The following HDAC8 variants were observed in gnomAD, a reference collection of about 807,000 sequenced individuals.
HDAC8 encodes histone deacetylase-like 1.
Under a neutral mutation model 32.2 loss-of-function variants are expected in HDAC8, and 1 was observed. The ratio of observed to expected loss-of-function variants is 0.03; its 90% CI spans 0.01 to 0.15. The LOEUF (loss-of-function observed/expected upper bound fraction) is 0.15, where lower values mean the gene tolerates loss of function less well. HDAC8 is among the 10% of genes least tolerant of loss of function. The pLI is 1.00. For synonymous variants in HDAC8, 108 were observed against 113.9 expected, an observed-to-expected ratio of 0.95 and a Z score of 0.33; for missense variants, 117 against 300.0, an observed-to-expected ratio of 0.39 and a Z score of 4.51.
intron 10 of HDAC8, among the ~76,000 whole-genome samples, chrX:72,339,198 G>A (rs782758138): frequency 1.7e-4 from 19 of 111,280 alleles, no homozygotes; most frequent in Admixed American, 4.8e-4. Flanking sequence ...ATGCACCCCC[G>A]CTCTCATCCA....
intron 9 of HDAC8, among the ~76,000 whole-genome samples, chrX:72,431,121 T>G (rs1019289242): frequency 9.0e-6 from 1 of 110,977 alleles, no homozygotes; most frequent in Admixed American, 9.6e-5. Context: ...ACAACCAGCC[T>G]AGACCACATG....
At chrX:72,395,614 GT>G (rs1215467930) in intron 9 of HDAC8, among the ~76,000 whole-genome samples, 2 of 112,262 alleles carry the variant, frequency 1.8e-5, no homozygotes, top group African/African-American at 6.5e-5. Context: ...GACAAGGAAA[GT>G]TTTTTCCCCC....
rs61443640 is a variant in HDAC8, at chrX:72,453,464, TAAAGAAAGAAAG to T, written c.1005+8528_1005+8539del. On this transcript the variant is annotated intron_variant, in intron 9 of 10. Transcript: ENST00000373573. ...GGAGTAAGACTCTGTCTCTTAAAAA[TAAAGAAAGAAAG>T]AAAGAAAGAAAGAAAGAAAGAAAGA... 7.8e-3 allele frequency among the ~76,000 whole-genome samples: 524 copies of T among 67,252 alleles called. 2 individuals are homozygous for T. The highest frequency in any genetic ancestry group is 0.028 in the Middle Eastern group (4 of 144). 58.4% of individuals were successfully genotyped at this position (67,252 alleles called of 115,157 possible).
At chrX:72,352,826 G>A (rs1555949356) in intron 9 of HDAC8, among the ~76,000 whole-genome samples, 1 of 111,717 alleles carries the variant, frequency 9.0e-6, no homozygotes, top group African/African-American at 3.3e-5. Flanking sequence ...CTGACTTGGG[G>A]AAAACCACTC....
chrX:72,408,833 A>C (rs2046116800), intron 9 of HDAC8, among the ~76,000 whole-genome samples: 1 of 112,128 alleles, frequency 8.9e-6, no homozygotes, highest in African/African-American at 3.2e-5. Context: ...AAATGAGGTT[A>C]GAAAAGTGAT....
chrX:72,474,681 C>G (rs781818646), intron 7 of HDAC8: 79 of 1,205,159 alleles, frequency 6.6e-5, no homozygotes, highest in Non-Finnish European at 8.6e-5. Flanking sequence ...GGAAGACAAG[C>G]TGCGGCAGCT....
In HDAC8 at chrX:72,458,955, A is replaced by T. The variant is rs191457661; in HGVS notation, c.1005+3049T>A. On this transcript the variant is annotated intron_variant, in intron 9 of 10. Coordinates refer to ENST00000373573, the MANE Select transcript of HDAC8 (RefSeq NM_018486.3). ...TAATCCTTCCTACTGTCTCTCATATACCCTGTAATCTACACATAGCAAATT... is the reference window on the plus strand; with the variant it reads ...TAATCCTTCCTACTGTCTCTCATATTCCCTGTAATCTACACATAGCAAATT... 1.3e-3 allele frequency among the ~76,000 whole-genome samples: 148 copies of T among 110,080 alleles called. 2 individuals carry two copies. The highest frequency in any genetic ancestry group is 4.4e-3 in the African/African-American group (134 of 30,213).
At chrX:72,523,231 T>TA (rs782619144) in intron 4 of HDAC8, among the ~76,000 whole-genome samples, 148 of 112,133 alleles carry the variant, frequency 1.3e-3, no homozygotes, top group African/African-American at 4.7e-3. Context: ...CCAATAAATA[T>TA]AAAACAGTAC....
intron 9 of HDAC8, among the ~76,000 whole-genome samples, chrX:72,460,817 G>A (rs920734194): frequency 1.8e-5 from 2 of 111,805 alleles, no homozygotes; most frequent in Non-Finnish European, 3.8e-5. Context: ...CAATAACAGC[G>A]ATTACATTTG....
intron 7 of HDAC8, among the ~76,000 whole-genome samples, chrX:72,471,201 A>G (rs992972222): frequency 3.6e-5 from 4 of 112,612 alleles, no homozygotes; most frequent in South Asian, 3.7e-4. Flanking sequence ...ATAATATCCA[A>G]TTGCATGGAT....
In HDAC8 at chrX:72,404,113, A is replaced by AT. The variant is rs1183640444; in HGVS notation, c.1006-52276dup. ...AAAAGCTATATATTTAGATTTATTTATTTTTGTCCTATTTTGGGCTATATG... is the reference window on the plus strand; with the variant it reads ...AAAAGCTATATATTTAGATTTATTTATTTTTTGTCCTATTTTGGGCTATATG... On this transcript the variant is annotated intron_variant, in intron 9 of 10. Transcript: ENST00000373573. Among the ~76,000 whole-genome samples the AT allele has an allele frequency of 4.0e-3, 451 of 111,484 alleles. 4 individuals are homozygous for AT. The highest frequency in any genetic ancestry group is 0.014 in the African/African-American group (427 of 30,785).
chrX:72,507,145 G>T (rs1460604918), intron 4 of HDAC8, among the ~76,000 whole-genome samples: 3 of 110,722 alleles, frequency 2.7e-5, no homozygotes, highest in African/African-American at 9.8e-5. Context: ...CACCACACCT[G>T]GCCAACATTT....
At chrX:72,397,838 T>C (rs1294608687) in intron 9 of HDAC8, among the ~76,000 whole-genome samples, 1 of 112,477 alleles carries the variant, frequency 8.9e-6, no homozygotes, top group East Asian at 2.8e-4. Context: ...TTCATTTTAA[T>C]TGTTTCATAG....
At chrX:72,533,038 A>G (rs28760051) in intron 4 of HDAC8, among the ~76,000 whole-genome samples, 7,901 of 111,382 alleles carry the variant, frequency 0.071, 615 homozygotes, top group African/African-American at 0.23. Flanking sequence ...TAACTTTTAA[A>G]TATGGAGTGA....
At chrX:72,345,754 C>T (rs2044009848) in intron 10 of HDAC8, among the ~76,000 whole-genome samples, 1 of 111,556 alleles carries the variant, frequency 9.0e-6, no homozygotes, top group Non-Finnish European at 1.9e-5. Context: ...AGTCACAGCT[C>T]ACTGCAGCCT....
At chrX:72,483,639 G>A (rs782420140) in intron 7 of HDAC8, among the ~76,000 whole-genome samples, 85 of 111,276 alleles carry the variant, frequency 7.6e-4, no homozygotes, top group Non-Finnish European at 1.5e-3. Flanking sequence ...ACCTTATAAA[G>A]TGACTTGAGG....
intron 9 of HDAC8, among the ~76,000 whole-genome samples, chrX:72,377,564 T>A (rs1569252970): frequency 8.9e-6 from 1 of 112,085 alleles, no homozygotes; most frequent in African/African-American, 3.2e-5. Context: ...TTGTTGCATA[T>A]GTTTTGGTGC....
intron 4 of HDAC8, among the ~76,000 whole-genome samples, chrX:72,521,119 T>A (rs2049967624): frequency 8.9e-6 from 1 of 111,924 alleles, no homozygotes; most frequent in African/African-American, 3.2e-5. Context: ...TGTGTGAATA[T>A]CCTGTTCTCA....
At chrX:72,396,853 A>AACAACAACAACAACAAC (rs782360153) in intron 9 of HDAC8, among the ~76,000 whole-genome samples, 2 of 111,259 alleles carry the variant, frequency 1.8e-5, no homozygotes, top group African/African-American at 6.6e-5. Flanking sequence ...ACAACAACAA[A>AACAACAACAACAACAAC]AACAACAACA....
Sources: allele counts gnomAD v4.1 joint callset (sites outside exome capture counted in the v4.1 genomes callset), GRCh38; gene constraint gnomAD v4.1.1; transcripts MANE v1.5; gene names NCBI Gene and HGNC (gene_info 2026-07-23, HGNC 2026-07-21).